TIAM2: variants seen among roughly 807,000 people sequenced by gnomAD.
TIAM2 encodes the protein TIAM Rac1 associated GEF 2, also known as rho guanine nucleotide exchange factor TIAM2.
TIAM2 carries 80 observed loss-of-function variants against 152.9 expected under a neutral mutation model. The ratio of observed to expected loss-of-function variants is 0.52; its 90% CI spans 0.44 to 0.63. TIAM2 has a LOEUF of 0.63. Ranked by LOEUF, TIAM2 falls within the 30% of genes least tolerant of loss-of-function variation. The probability of loss-of-function intolerance (pLI) is 0.00; values close to 1 mark genes in which losing one functional copy is unlikely to be tolerated. For synonymous variants in TIAM2, 804 were observed against 838.0 expected, an observed-to-expected ratio of 0.96 and a Z score of 0.70; for missense variants, 1,965 against 2,120.1, an observed-to-expected ratio of 0.93 and a Z score of 1.44.
Position 155,240,704 on chromosome 6 carries a change from G to C in TIAM2, c.3343G>C (p.Val1115Leu), listed in dbSNP as rs149353490. ...QELVDTEKSYVKDLSCLFELY... is the reference protein window; with the variant it reads ...QELVDTEKSYLKDLSCLFELY... ...GCTTGTGGACACAGAGAAGTCCTACGTGAAGGTAAGGGAAGAGCTGGCATT... is the reference window on the plus strand; with the variant it reads ...GCTTGTGGACACAGAGAAGTCCTACCTGAAGGTAAGGGAAGAGCTGGCATT... Residue 1115 changes from valine (V) to leucine (L), a missense_variant, in exon 16 of 27, where the codon GTG (valine) becomes CTG (leucine). Around this residue, in one of 3 missense-constraint regions of TIAM2, gnomAD observed 935 missense variants for 980.0 expected, o/e 0.95. Transcript: ENST00000682666. 1.7e-5 allele frequency: 28 copies of C among 1,610,666 alleles called. No homozygotes were observed. The highest frequency in any genetic ancestry group is 1.1e-4 in the African/African-American group (8 of 74,930).
intron 1 of TIAM2, among the ~76,000 whole-genome samples, chr6:155,027,947 CTG>C (rs1407415026): frequency 1.7e-5 from 2 of 114,938 alleles, no homozygotes; most frequent in Admixed American, 2.0e-4. Flanking sequence ...AATATATGTA[CTG>C]TGTTACATAT....
chr6:155,070,398 G>A (rs1403774663), intron 1 of TIAM2, among the ~76,000 whole-genome samples: 1 of 151,000 alleles, frequency 6.6e-6, no homozygotes, highest in Non-Finnish European at 1.5e-5. Context: ...TGTATTTTTA[G>A]TAGAGATGGG....
chr6:155,063,961 A>T (rs947856598), intron 1 of TIAM2, among the ~76,000 whole-genome samples: 4 of 152,142 alleles, frequency 2.6e-5, no homozygotes, highest in African/African-American at 7.2e-5. Context: ...GAAAGGATGG[A>T]TAGATGTAGC....
intron 1 of TIAM2, among the ~76,000 whole-genome samples, chr6:155,021,357 G>A (rs1776486500): frequency 6.6e-6 from 1 of 152,052 alleles, no homozygotes; most frequent in Non-Finnish European, 1.5e-5. Flanking sequence ...TGCCTCCCGG[G>A]TTAAATCGAT....
chr6:155,013,842 T>G (rs907682426), intron 1 of TIAM2: 2 of 151,928 alleles, frequency 1.3e-5, no homozygotes, highest in African/African-American at 2.4e-5. Context: ...AATTGAAACT[T>G]GGATTCTAAT....
intron 1 of TIAM2, among the ~76,000 whole-genome samples, chr6:155,016,526 T>G (rs370061954): frequency 4.4e-3 from 426 of 96,590 alleles, no homozygotes; most frequent in Admixed American, 5.3e-3. Flanking sequence ...GTATTTACAT[T>G]TAAATGGTAA....
intron 7 of TIAM2, 90 bp downstream of exon 7, chr6:155,148,424 T>G: frequency 1.5e-6 from 2 of 1,299,632 alleles, no homozygotes; most frequent in Non-Finnish European, 2.2e-6. Flanking sequence ...TGGTATTTCT[T>G]GGCTCACATC....
At chr6:155,162,980 A>G (rs1472673648) in intron 7 of TIAM2, among the ~76,000 whole-genome samples, 2 of 152,228 alleles carry the variant, frequency 1.3e-5, no homozygotes, top group Non-Finnish European at 2.9e-5. Context: ...AACCTAAGAA[A>G]TAGCTACAGA....
At chr6:155,209,688 G>A (rs774643859) in intron 14 of TIAM2, among the ~76,000 whole-genome samples, 1 of 152,178 alleles carries the variant, frequency 6.6e-6, no homozygotes, top group African/African-American at 2.4e-5. Context: ...TTATCTGTCT[G>A]GTCCTTACCT....
chr6:155,102,633 T>C (rs9480052), intron 2 of TIAM2, among the ~76,000 whole-genome samples: 88,731 of 152,024 alleles, frequency 0.58, 26,972 homozygotes, highest in African/African-American at 0.73. Flanking sequence ...CCCTCAAGAA[T>C]ATATCTTTGC....
chr6:155,051,932 G>A (rs1777329464), intron 1 of TIAM2, among the ~76,000 whole-genome samples: 2 of 152,082 alleles, frequency 1.3e-5, no homozygotes, highest in South Asian at 2.1e-4. Flanking sequence ...GAGCCACTGC[G>A]CCTGGCCGGC....
At chr6:155,135,800 C>T (rs1219789763) in intron 4 of TIAM2, among the ~76,000 whole-genome samples, 2 of 151,990 alleles carry the variant, frequency 1.3e-5, no homozygotes, top group African/African-American at 4.8e-5. Flanking sequence ...TTGATATCTC[C>T]AGTACCTAGA....
At chr6:155,035,510 C>T (rs1776906561) in intron 1 of TIAM2, among the ~76,000 whole-genome samples, 1 of 152,114 alleles carries the variant, frequency 6.6e-6, no homozygotes, top group South Asian at 2.1e-4. Context: ...CGTGAGACTA[C>T]CCAGCCTTTT....
chr6:155,224,492 G>A lies in TIAM2; in HGVS notation c.3168+13185G>A, dbSNP rs557389236. Among the ~76,000 whole-genome samples, 10 of 152,306 alleles carry A rather than the reference G, an allele frequency of 6.6e-5. No individual in the cohort carries two copies. The East Asian group carries it at 1.3e-3, about 21-fold the overall frequency. On this transcript the variant is annotated intron_variant, in intron 15 of 26. Coordinates refer to ENST00000682666, the MANE Select transcript of TIAM2 (RefSeq NM_012454.4). ...GCTGAAGGTTAAGATGGGATCATTC[G>A]TTTTGTAAATCCGTCTCCTGCTGTC...
At chr6:155,011,246 G>C (rs1376235059) in intron 1 of TIAM2, among the ~76,000 whole-genome samples, 1 of 152,058 alleles carries the variant, frequency 6.6e-6, no homozygotes, top group Non-Finnish European at 1.5e-5. Context: ...TGGAGGGGTA[G>C]TTATGGAATT....
intron 2 of TIAM2, among the ~76,000 whole-genome samples, chr6:155,104,034 A>AC (rs1278008998): frequency 1.0e-5 from 1 of 95,954 alleles, no homozygotes; most frequent in African/African-American, 6.5e-5. Flanking sequence ...TACCTCACAC[A>AC]CACACACCCC....
At chr6:155,086,074 G>A (rs9322498) in intron 1 of TIAM2, among the ~76,000 whole-genome samples, 43,151 of 152,148 alleles carry the variant, frequency 0.28, 6,818 homozygotes, top group Middle Eastern at 0.37. Flanking sequence ...ACTGTTGAAA[G>A]AATAGCCACT....
At chr6:155,058,394 C>T (rs1583171482) in intron 1 of TIAM2, among the ~76,000 whole-genome samples, 1 of 152,112 alleles carries the variant, frequency 6.6e-6, no homozygotes, top group Non-Finnish European at 1.5e-5. Context: ...GCAATTCCAG[C>T]CTGTAAAACT....
chr6:155,151,828 C>CTT (rs5881122), intron 7 of TIAM2, among the ~76,000 whole-genome samples: 64,177 of 144,120 alleles, frequency 0.45, 14,980 homozygotes, highest in East Asian at 0.55. Flanking sequence ...TCTATAGAAT[C>CTT]TTTTTTTTTT....
Sources: allele counts gnomAD v4.1 joint callset (sites outside exome capture counted in the v4.1 genomes callset), GRCh38; gene constraint gnomAD v4.1.1; regional missense constraint gnomAD v4.1.1; transcripts MANE v1.5; gene names NCBI Gene and HGNC (gene_info 2026-07-23, HGNC 2026-07-21).